GALR1: variants seen among roughly 807,000 people sequenced by gnomAD.
GALR1 encodes galanin receptor type 1.
GALR1 carries 11 observed loss-of-function variants against 17.9 expected under a neutral mutation model. The observed-to-expected ratio is 0.62, with a 90% CI of 0.39 to 1.02. The LOEUF is 1.02. GALR1 is among the 50% of genes least tolerant of loss of function. The pLI is 0.01. For synonymous variants in GALR1, 206 were observed against 205.7 expected, an observed-to-expected ratio of 1.00 and a Z score of -0.01; for missense variants, 441 against 456.9, an observed-to-expected ratio of 0.97 and a Z score of 0.32.
intron 2 of GALR1, among the ~76,000 whole-genome samples, chr18:77,258,904 G>GTT (rs1912709457): frequency 7.6e-6 from 1 of 131,616 alleles, no homozygotes; most frequent in Non-Finnish European, 1.6e-5. Flanking sequence ...TGATGGTGGT[G>GTT]GGCGGTAGTG....
chr18:77,258,219 A>G (rs1380772639), intron 2 of GALR1, among the ~76,000 whole-genome samples: 1 of 152,214 alleles, frequency 6.6e-6, no homozygotes, highest in Non-Finnish European at 1.5e-5. Flanking sequence ...GAGTATATGT[A>G]TATATAATAC....
chr18:77,264,182 A>G (rs1463122128), intron 2 of GALR1, among the ~76,000 whole-genome samples: 4 of 138,058 alleles, frequency 2.9e-5, no homozygotes, highest in Non-Finnish European at 6.2e-5. Context: ...TTTGCTATGT[A>G]GGATTTCCCC....
At chr18:77,257,746 G>A (rs777753602) in intron 2 of GALR1, among the ~76,000 whole-genome samples, 5 of 152,174 alleles carry the variant, frequency 3.3e-5, no homozygotes, top group Admixed American at 2.0e-4. Context: ...AACTGGCTCC[G>A]CATGGAAGCC....
chr18:77,251,927 CAG>C (rs1349259497), intron 1 of GALR1, among the ~76,000 whole-genome samples: 1 of 152,220 alleles, frequency 6.6e-6, no homozygotes, highest in Non-Finnish European at 1.5e-5. Context: ...TGTTTCTTTA[CAG>C]AGTCTTGACC....
chr18:77,260,760 T>C (rs79585083), intron 2 of GALR1, among the ~76,000 whole-genome samples: 3,477 of 152,324 alleles, frequency 0.023, 62 homozygotes, highest in Non-Finnish European at 0.037. Context: ...ATGCTTTTCT[T>C]AAACTCTGCT....
chr18:77,253,820 C>G (rs11664116), intron 1 of GALR1: 25,209 of 152,184 alleles, frequency 0.17, 2,339 homozygotes, highest in East Asian at 0.31. Flanking sequence ...CAATTGCATT[C>G]CAGAGTTGCC....
At chr18:77,263,733 C>T (rs551525294) in intron 2 of GALR1, among the ~76,000 whole-genome samples, 8 of 152,292 alleles carry the variant, frequency 5.3e-5, no homozygotes, top group African/African-American at 1.4e-4. Context: ...CATCATTTCA[C>T]GTCTTACTTT....
At chr18:77,259,428 CAT>C (rs1912767037) in intron 2 of GALR1, among the ~76,000 whole-genome samples, 13 of 114,328 alleles carry the variant, frequency 1.1e-4, no homozygotes, top group African/African-American at 1.7e-4. Context: ...TGATGATGGT[CAT>C]GGTGGTGATG....
At chr18:77,259,628 CCAGTGGTGGTGGTGA>C (rs1266371662) in intron 2 of GALR1, among the ~76,000 whole-genome samples, 2 of 121,144 alleles carry the variant, frequency 1.7e-5, no homozygotes, top group Non-Finnish European at 3.7e-5. Flanking sequence ...GGCGATGGTG[CCAGTGGTGGTGGTGA>C]CAGTGGTGGC....
At chr18:77,258,947 GGTC>G (rs1912714884) in intron 2 of GALR1, among the ~76,000 whole-genome samples, 2 of 138,640 alleles carry the variant, frequency 1.4e-5, no homozygotes, top group Non-Finnish European at 3.0e-5. Context: ...TGATGATGGT[GGTC>G]ATGGTGGTCA....
chr18:77,274,114 G>T lies in GALR1; in HGVS notation c.*5212G>T, dbSNP rs1913112125. ...GATTATGAACACTGGAACTATTTAT[G>T]TGTCATCATTCCAAAGACCATTGTG... On this transcript the variant is annotated 3_prime_UTR_variant, in exon 3 of 3. Transcript: ENST00000299727. 6.6e-6 allele frequency: 1 copy of T among 152,026 alleles called. No homozygotes were observed. 9.4% of individuals were successfully genotyped at this position (152,026 alleles called of 1,614,324 possible).
At chr18:77,260,734 G>A (rs550625051) in intron 2 of GALR1, among the ~76,000 whole-genome samples, 1 of 152,312 alleles carries the variant, frequency 6.6e-6, no homozygotes, top group Non-Finnish European at 1.5e-5. Flanking sequence ...AGGAATAAAG[G>A]GCTAGGATTG....
rs1483980092 is a variant in GALR1, at chr18:77,258,716, CTGGTGATGGTGGTGA to C, written c.732+2502_732+2516del. Among the ~76,000 whole-genome samples the C allele has an allele frequency of 1.8e-4, 2 of 11,122 alleles. 1 individual carries two copies. Among genetic ancestry groups the C allele is most frequent in the African/African-American group, 5.5e-4 (2 of 3,668 alleles). The allele number at this position is 11,122 out of a possible 152,430, so 7.3% of individuals were successfully genotyped here. A position where few individuals can be genotyped will look rare whatever the true frequency, so the allele number is the denominator to read the frequency against. On this transcript the variant is annotated intron_variant, in intron 2 of 2. Coordinates refer to ENST00000299727, the MANE Select transcript of GALR1 (RefSeq NM_001480.4). ...TGGTGGTGGTCATGTGATGGTGGTG[CTGGTGATGGTGGTGA>C]TGGTGATGATGGTTATGGTGGTGAT...
At chr18:77,262,430 C>T (rs943789913) in intron 2 of GALR1, among the ~76,000 whole-genome samples, 9 of 152,166 alleles carry the variant, frequency 5.9e-5, no homozygotes, top group Admixed American at 1.3e-4. Context: ...CTTCTTGCCC[C>T]GTGTCCCATC....
intron 2 of GALR1, among the ~76,000 whole-genome samples, 164 bp downstream of exon 2, chr18:77,256,387 G>A (rs1463233494): frequency 6.6e-6 from 1 of 152,106 alleles, no homozygotes; most frequent in East Asian, 1.9e-4. Context: ...GGGAATGGAG[G>A]GTCGGCCTTG....
chr18:77,251,890 A>G (rs190076190), intron 1 of GALR1, among the ~76,000 whole-genome samples: 90 of 152,322 alleles, frequency 5.9e-4, no homozygotes, highest in Non-Finnish European at 1.1e-3. Context: ...TCTGAAGCTT[A>G]GCTTTGTAAA....
chr18:77,268,189 A>G (rs1289888096), intron 2 of GALR1, among the ~76,000 whole-genome samples: 1 of 152,158 alleles, frequency 6.6e-6, no homozygotes, highest in Non-Finnish European at 1.5e-5. Context: ...CGCTCCTCCG[A>G]GATGCATTGC....
chr18:77,259,883 T>C (rs1216982639), intron 2 of GALR1, among the ~76,000 whole-genome samples: 1 of 151,838 alleles, frequency 6.6e-6, no homozygotes, highest in Admixed American at 6.6e-5. Flanking sequence ...AAAGCAAGAA[T>C]ACATGGCAAC....
At chr18:77,256,750 G>C (rs1240436123) in intron 2 of GALR1, among the ~76,000 whole-genome samples, 3 of 152,116 alleles carry the variant, frequency 2.0e-5, no homozygotes, top group Non-Finnish European at 2.9e-5. Flanking sequence ...CTGAAGAGTG[G>C]ACAAGGCTGA....
Sources: allele counts gnomAD v4.1 joint callset (sites outside exome capture counted in the v4.1 genomes callset), GRCh38; gene constraint gnomAD v4.1.1; transcripts MANE v1.5; gene names NCBI Gene and HGNC (gene_info 2026-07-23, HGNC 2026-07-21).